Variants in GANC observed in about 807,000 individuals in gnomAD.
GANC encodes glucosidase alpha, neutral C.
GANC carries 117 observed loss-of-function variants against 124.2 expected under a neutral mutation model. That is an observed-to-expected ratio of 0.94 (90% CI 0.81 to 1.10). The LOEUF is 1.10. GANC is among the 50% of genes least tolerant of loss of function. The pLI is 0.00. For missense variants in GANC, 1,140 were observed against 1,095.0 expected (o/e 1.04, Z -0.58); for synonymous variants, 377 against 376.8 (o/e 1.00, Z -0.01).
At chr15:42,319,406 G>A (rs535032499) in intron 10 of GANC, among the ~76,000 whole-genome samples, 5 of 152,104 alleles carry the variant, frequency 3.3e-5, no homozygotes, top group East Asian at 1.9e-4. Context: ...GTGCAGTGGC[G>A]TGACCATGGC....
At position 42,273,427 on chromosome 15, in the gene GANC, G is replaced by A. The variant is rs1305871278; in HGVS notation, c.-1055G>A. On this transcript the variant is annotated 5_prime_UTR_variant, in exon 1 of 24. Transcript: ENST00000318010. ...CACAGCCGTGGAGTGCCTACCGAAA[G>A]CATTTCACCCTCTTCCGGTTCGTCC... The A allele has an allele frequency of 1.5e-5, 24 of 1,612,778 alleles. No individual in the cohort carries two copies. The highest frequency in any genetic ancestry group is 4.0e-5 in the African/African-American group (3 of 74,928).
At chr15:42,340,058 A>AAACTT in intron 17 of GANC, 146 bp downstream of exon 17, 1 of 1,117,310 alleles carries the variant, frequency 9.0e-7, no homozygotes, top group Non-Finnish European at 1.3e-6. Context: ...AAGCTTATTG[A>AAACTT]GCAGCGCGGT....
intron 15 of GANC, among the ~76,000 whole-genome samples, chr15:42,333,023 A>AATATATATAT (rs3035933): frequency 1.4e-5 from 2 of 140,412 alleles, no homozygotes; most frequent in Non-Finnish European, 3.0e-5. Flanking sequence ...TGTCTCAAAA[A>AATATATATAT]ATATATATAT....
intron 7 of GANC, among the ~76,000 whole-genome samples, chr15:42,307,177 C>G (rs4924658): frequency 0.72 from 109,458 of 151,894 alleles, 42,242 homozygotes; most frequent in Non-Finnish European, 0.87. Flanking sequence ...CCTCCCTATT[C>G]TGTAGAATAA....
intron 3 of GANC, among the ~76,000 whole-genome samples, chr15:42,278,855 C>T (rs1311564225): frequency 6.6e-6 from 1 of 152,040 alleles, no homozygotes; most frequent in African/African-American, 2.4e-5. Context: ...ATTATCCAGG[C>T]ACAGTGGTGT....
rs917612405 is a variant in GANC at position 42,331,184 on chromosome 15, C to T, written c.1741+512C>T. The stretch of plus-strand genomic sequence containing the variant: ...AAAGTGTGGATTTTGTCCTATAAGA[C>T]AGAATAAACAAATTTTAGTCATTTG... On this transcript the variant is annotated intron_variant, in intron 15 of 23. Transcript: ENST00000318010. 3.3e-5 allele frequency among the ~76,000 whole-genome samples: 5 copies of T among 152,126 alleles called. 1 individual carries two copies. The East Asian group carries it at 9.6e-4, about 29-fold the overall frequency.
Position 42,273,487 on chromosome 15 carries a change from A to T in GANC, c.-995A>T, listed in dbSNP as rs2051607731. ...CCGGCTCTGCTCTAAGGGCGGGATT[A>T]TCCGGGTCCTGGAAACGTCGCGGAG... On this transcript the variant is annotated 5_prime_UTR_variant, in exon 1 of 24. Transcript: ENST00000318010. 1.3e-6 allele frequency: 2 copies of T among 1,566,882 alleles called. No homozygotes were observed. The highest frequency in any genetic ancestry group is 1.7e-6 in the Non-Finnish European group (2 of 1,158,464).
rs749936170 is a variant in GANC, at chr15:42,321,848, A to T, written c.1121A>T (p.Asp374Val). ...GYHQCRWNYE[D>V]EQDVKAVDAG... ...CACCAGTGCCGCTGGAACTATGAAG[A>T]TGAGCAGGATGTAAAAGCAGTGGAT... Residue 374 changes from aspartate (D) to valine (V), a missense_variant, in exon 11 of 24, where the codon GAT (aspartate) becomes GTT (valine). Transcript: ENST00000318010. The T allele has an allele frequency of 6.2e-7, 1 of 1,614,210 alleles. No homozygotes were observed. The highest frequency in any genetic ancestry group is 1.1e-5 in the South Asian group (1 of 91,086).
intron 3 of GANC, among the ~76,000 whole-genome samples, chr15:42,282,659 T>C (rs2051745279): frequency 6.6e-6 from 1 of 152,200 alleles, no homozygotes. Flanking sequence ...GATTTGTTAA[T>C]TTTTGAATTT....
chr15:42,297,501 T>A (rs1051891692), intron 5 of GANC, 110 bp from the exon 6 acceptor site: 1 of 693,440 alleles, frequency 1.4e-6, no homozygotes, highest in Admixed American at 2.7e-5. Context: ...TTTAATACAT[T>A]AAAGGATATA....
chr15:42,290,355 G>C (rs1358568207), intron 4 of GANC, among the ~76,000 whole-genome samples: 1 of 152,204 alleles, frequency 6.6e-6, no homozygotes, highest in African/African-American at 2.4e-5. Flanking sequence ...ATTGTCAGAA[G>C]ATTGTTAATT....
Position 42,351,501 on chromosome 15 carries a change from T to A in GANC, c.2635+69T>A, listed in dbSNP as rs767836215. ...ACAGAAGTATCTGCAGTGAGATGATTAGTCCCCAAACGGAGATAATATGCT... is the reference window on the plus strand; with the variant it reads ...ACAGAAGTATCTGCAGTGAGATGATAAGTCCCCAAACGGAGATAATATGCT... On this transcript the variant is annotated intron_variant, in intron 23 of 23. Transcript: ENST00000318010. The A allele has an allele frequency of 9.7e-5, 107 of 1,102,120 alleles. 1 individual carries two copies. The highest frequency in any genetic ancestry group is 1.4e-4 in the Non-Finnish European group (98 of 723,044). The allele number at this position is 1,102,120 out of a possible 1,614,324, so 68.3% of individuals were successfully genotyped here. A position where few individuals can be genotyped will look rare whatever the true frequency, so the allele number is the denominator to read the frequency against.
In GANC at chr15:42,310,346, G is replaced by T; in HGVS notation, c.786G>T (p.Met262Ile). Residue 262 changes from methionine to isoleucine, a missense_variant, in exon 9 of 24, where the codon ATG (methionine) becomes ATT (isoleucine). Coordinates refer to ENST00000318010, the MANE Select transcript of GANC (RefSeq NM_198141.3). ...ATGGATACCAAATATATGATAAAAT[G>T]GGCATTTATGGTTCAGTACCTTATC... is the stretch of plus-strand genomic sequence containing the variant. The part of the protein sequence containing the change: ...DVYGYQIYDK[M>I]GIYGSVPYLL... 1.2e-6 allele frequency: 2 copies of T among 1,613,244 alleles called. No individual in the cohort carries two copies. Among genetic ancestry groups the T allele is most frequent in the South Asian group, 1.1e-5 (1 of 90,982 alleles).
intron 22 of GANC, among the ~76,000 whole-genome samples, chr15:42,350,603 A>G (rs1289452267): frequency 2.3e-5 from 3 of 128,462 alleles, no homozygotes; most frequent in Non-Finnish European, 4.7e-5. Flanking sequence ...CCCAGGCTGG[A>G]GTGCAGTGGC....
chr15:42,275,848 T>C (rs2051666189), intron 1 of GANC, among the ~76,000 whole-genome samples: 1 of 152,172 alleles, frequency 6.6e-6, no homozygotes, highest in Admixed American at 6.5e-5. Context: ...TGATTGCTGG[T>C]AAAACCCTAA....
intron 3 of GANC, among the ~76,000 whole-genome samples, chr15:42,284,561 A>G: frequency 6.6e-6 from 1 of 152,220 alleles, no homozygotes; most frequent in East Asian, 1.9e-4. Flanking sequence ...TAGTACTAAA[A>G]TGAACCTCCA....
At chr15:42,348,636 C>G (rs1270391468) in intron 21 of GANC, among the ~76,000 whole-genome samples, 1 of 152,210 alleles carries the variant, frequency 6.6e-6, no homozygotes, top group African/African-American at 2.4e-5. Context: ...CTAAAACCCC[C>G]TTGGGCAAAG....
chr15:42,277,611 A>AT (rs201360250), intron 2 of GANC, among the ~76,000 whole-genome samples: 4 of 151,368 alleles, frequency 2.6e-5, no homozygotes, highest in Non-Finnish European at 4.4e-5. Flanking sequence ...ATTTTTATGC[A>AT]TTTTTTTGAG....
intron 15 of GANC, among the ~76,000 whole-genome samples, chr15:42,331,176 C>G (rs972114144): frequency 2.0e-5 from 3 of 152,112 alleles, no homozygotes; most frequent in Admixed American, 1.3e-4. Context: ...GGATTTTGTC[C>G]TATAAGACAG....
Sources: gnomAD v4.1 joint callset for allele counts (sites outside exome capture counted in the v4.1 genomes callset) on GRCh38, gnomAD v4.1.1 for gene constraint, MANE v1.5 for transcripts, NCBI Gene and HGNC (gene_info 2026-07-23, HGNC 2026-07-21) for gene names.